Variants in DCC observed in about 807,000 individuals in gnomAD.
The protein encoded by DCC is netrin receptor DCC.
A neutral mutation model predicts 172.5 loss-of-function variants in DCC; 58 were observed. The observed-to-expected ratio is 0.34, with a 90% CI of 0.27 to 0.42. The LOEUF (loss-of-function observed/expected upper bound fraction) is 0.42. Ranked by LOEUF, DCC falls within the 10% of genes least tolerant of loss-of-function variation. The pLI is 1.00. For synonymous variants in DCC, 709 were observed against 644.5 expected (o/e 1.10, Z -1.52); for missense variants, 1,740 against 1,791.0 (o/e 0.97, Z 0.51).
chr18:53,058,050 A>G (rs893072885), intron 5 of DCC, among the ~76,000 whole-genome samples: 1 of 152,112 alleles, frequency 6.6e-6, no homozygotes, highest in Non-Finnish European at 1.5e-5. Context: ...AATAGAACAT[A>G]TAACATCTGA....
intron 1 of DCC, among the ~76,000 whole-genome samples, chr18:52,581,394 G>A (rs1420039686): frequency 6.6e-6 from 1 of 152,086 alleles, no homozygotes; most frequent in East Asian, 1.9e-4. Context: ...GTTTGAGAAA[G>A]AACTTTACAA....
intron 1 of DCC, among the ~76,000 whole-genome samples, chr18:52,688,139 T>C (rs916396155): frequency 6.6e-6 from 1 of 150,660 alleles, no homozygotes; most frequent in African/African-American, 2.5e-5. Flanking sequence ...TTTTTTTTTT[T>C]TGGTATATTG....
intron 1 of DCC, among the ~76,000 whole-genome samples, chr18:52,741,097 T>C (rs2036815814): frequency 6.6e-6 from 1 of 152,308 alleles, no homozygotes; most frequent in South Asian, 2.1e-4. Flanking sequence ...CAATTGAAAG[T>C]GCCTTCTTTT....
At chr18:52,700,743 T>C (rs560767037) in intron 1 of DCC, among the ~76,000 whole-genome samples, 1 of 152,358 alleles carries the variant, frequency 6.6e-6, no homozygotes, top group South Asian at 2.1e-4. Context: ...AGACAAGTTC[T>C]TACTTTGCCA....
intron 2 of DCC, among the ~76,000 whole-genome samples, chr18:52,869,593 C>T (rs970639305): frequency 1.1e-4 from 16 of 152,204 alleles, no homozygotes; most frequent in African/African-American, 3.9e-4. Flanking sequence ...GCCTGTCTGC[C>T]TCCTGCCACT....
intron 2 of DCC, among the ~76,000 whole-genome samples, chr18:52,801,505 A>G (rs921036588): frequency 6.6e-6 from 1 of 152,250 alleles, no homozygotes; most frequent in African/African-American, 2.4e-5. Context: ...AAAAATTTCC[A>G]AAAGAAGATT....
At chr18:53,151,152 T>C (rs2043991031) in intron 7 of DCC, among the ~76,000 whole-genome samples, 1 of 152,260 alleles carries the variant, frequency 6.6e-6, no homozygotes, top group Non-Finnish European at 1.5e-5. Flanking sequence ...ATTCATTTTA[T>C]CAAAGAGTAC....
chr18:53,051,643 C>T (rs1213493761), intron 5 of DCC, among the ~76,000 whole-genome samples: 2 of 152,074 alleles, frequency 1.3e-5, no homozygotes, highest in African/African-American at 2.4e-5. Flanking sequence ...TCTTGGGTAA[C>T]ATTACTCCAT....
chr18:53,155,769 G>A (rs1410336757), intron 7 of DCC, among the ~76,000 whole-genome samples: 1 of 152,208 alleles, frequency 6.6e-6, no homozygotes, highest in Admixed American at 6.5e-5. Flanking sequence ...GCTCACGCCA[G>A]TAATCCCAGT....
intron 1 of DCC, among the ~76,000 whole-genome samples, chr18:52,583,771 G>A (rs551089682): frequency 1.2e-4 from 18 of 152,276 alleles, no homozygotes; most frequent in Admixed American, 2.6e-4. Context: ...GTTTAACAAC[G>A]TAAAATATGA....
intron 7 of DCC, among the ~76,000 whole-genome samples, chr18:53,113,163 T>C (rs1427079228): frequency 6.6e-6 from 1 of 151,410 alleles, no homozygotes; most frequent in Non-Finnish European, 1.5e-5. Context: ...TTGAAAACAA[T>C]GTAAAAGAGA....
intron 2 of DCC, among the ~76,000 whole-genome samples, chr18:52,867,993 G>A (rs1260369040): frequency 6.6e-6 from 1 of 150,586 alleles, no homozygotes; most frequent in African/African-American, 2.4e-5. Flanking sequence ...ATACAAATAA[G>A]GCAATTGTTT....
chr18:52,766,514 G>A (rs566948980), intron 2 of DCC, among the ~76,000 whole-genome samples: 61 of 152,050 alleles, frequency 4.0e-4, no homozygotes, highest in South Asian at 8.3e-4. Context: ...TTTTATTGCC[G>A]ATGAAAGTGG....
chr18:52,985,019 C>T (rs951203835), intron 5 of DCC, among the ~76,000 whole-genome samples: 26 of 152,066 alleles, frequency 1.7e-4, no homozygotes, highest in African/African-American at 5.1e-4. Flanking sequence ...CACTTAATGT[C>T]CTATTATTAA....
At chr18:53,278,483 G>A (rs2056831849) in intron 12 of DCC, among the ~76,000 whole-genome samples, 1 of 152,052 alleles carries the variant, frequency 6.6e-6, no homozygotes, top group Admixed American at 6.6e-5. Context: ...AGTTGACACA[G>A]GATTACTATT....
chr18:52,650,490 A>G (rs2035109705), intron 1 of DCC, among the ~76,000 whole-genome samples: 1 of 152,110 alleles, frequency 6.6e-6, no homozygotes, highest in South Asian at 2.1e-4. Context: ...ACAGTGTATT[A>G]GCATGCCGTT....
intron 13 of DCC, among the ~76,000 whole-genome samples, chr18:53,320,070 CTTTT>C (rs35150045): frequency 3.6e-5 from 4 of 109,622 alleles, no homozygotes; most frequent in South Asian, 6.6e-4. Flanking sequence ...CGCAAGAGTA[CTTTT>C]TTTTTTTTTT....
Position 53,385,996 on chromosome 18 carries a change from A to G in DCC, c.2360-47A>G, listed in dbSNP as rs1459602435. The stretch of plus-strand genomic sequence containing the variant: ...AAATGTTTGCCTTGAGTATTTTGAT[A>G]CATTAAATATATCAACACGTTCATA... On this transcript the variant is annotated intron_variant, in intron 15 of 28. Coordinates refer to ENST00000442544, the MANE Select transcript of DCC (RefSeq NM_005215.4). The G allele has an allele frequency of 4.9e-6, 6 of 1,224,122 alleles. No homozygotes were observed. In the Admixed American group the frequency reaches 1.0e-4, roughly 21 times the overall value. 75.8% of individuals were successfully genotyped at this position (1,224,122 alleles called of 1,614,324 possible).
intron 2 of DCC, among the ~76,000 whole-genome samples, chr18:52,898,779 C>T (rs889604614): frequency 6.6e-6 from 1 of 151,952 alleles, no homozygotes; most frequent in Non-Finnish European, 1.5e-5. Context: ...TTTCTACTGC[C>T]TGGTGACAGC....
Sources: allele counts gnomAD v4.1 joint callset (sites outside exome capture counted in the v4.1 genomes callset), GRCh38; gene constraint gnomAD v4.1.1; transcripts MANE v1.5; gene names NCBI Gene and HGNC (gene_info 2026-07-23, HGNC 2026-07-21).